The following GEMIN2 variants were observed in gnomAD, a reference collection of about 807,000 sequenced individuals.
The protein encoded by GEMIN2 is gem nuclear organelle associated protein 2.
Under a neutral mutation model 45.8 loss-of-function variants are expected in GEMIN2, and 37 were observed. The observed-to-expected ratio is 0.81, with a 90% CI of 0.62 to 1.06. The LOEUF (loss-of-function observed/expected upper bound fraction) is 1.06, where lower values mean the gene tolerates loss of function less well. Ranked by LOEUF, GEMIN2 falls within the 50% of genes least tolerant of loss-of-function variation. The pLI is 0.00. For synonymous variants in GEMIN2, 101 were observed against 111.5 expected, an observed-to-expected ratio of 0.91 and a Z score of 0.60; for missense variants, 335 against 321.8, an observed-to-expected ratio of 1.04 and a Z score of -0.31.
chr14:39,125,026 G>GAATGA lies in GEMIN2; in HGVS notation c.523_527dup (p.Asn176LysfsTer2). 6.9e-7 allele frequency: 1 copy of GAATGA among 1,452,244 alleles called. No individual in the cohort carries two copies. The highest frequency in any genetic ancestry group is 9.7e-7 in the Non-Finnish European group (1 of 1,035,470). The allele number at this position is 1,452,244 out of a possible 1,614,324, so 90.0% of individuals were successfully genotyped here. The stretch of plus-strand genomic sequence containing the variant: ...CCTCCCTTGCTTAGTATTGTTAGCA[G>GAATGA]AATGAATCAGGTAAAATTAATAATA... On this transcript the variant is annotated frameshift_variant, in exon 6 of 10. Coordinates refer to ENST00000308317, the MANE Select transcript of GEMIN2 (RefSeq NM_003616.3). LOFTEE classifies it high-confidence loss of function.
Position 39,136,544 on chromosome 14 carries a change from A to T in GEMIN2, c.*65A>T. The T allele has an allele frequency of 2.3e-6, 3 of 1,284,756 alleles. No homozygotes were observed. Among genetic ancestry groups the T allele is most frequent in the Non-Finnish European group, 3.4e-6 (3 of 886,344 alleles). The allele number at this position is 1,284,756 out of a possible 1,614,324, so 79.6% of individuals were successfully genotyped here. ...AGGCAGCCTAACTCTGAGGAAAACA[A>T]TGCCAATTCAAGTACAGATTTCAAC... On this transcript the variant is annotated 3_prime_UTR_variant, in exon 10 of 10. Coordinates refer to ENST00000308317, the MANE Select transcript of GEMIN2 (RefSeq NM_003616.3).
chr14:39,117,656 A>G (rs1057261983), intron 2 of GEMIN2, among the ~76,000 whole-genome samples: 1 of 152,132 alleles, frequency 6.6e-6, no homozygotes, highest in African/African-American at 2.4e-5. Flanking sequence ...TATTTGTGGT[A>G]TATCTCTCTT....
At chr14:39,126,306 G>C (rs569291383) in intron 6 of GEMIN2, among the ~76,000 whole-genome samples, 1 of 150,914 alleles carries the variant, frequency 6.6e-6, no homozygotes, top group East Asian at 2.0e-4. Flanking sequence ...CAGCCTCCTG[G>C]TAGCTGGGAC....
intron 4 of GEMIN2, among the ~76,000 whole-genome samples, chr14:39,120,163 C>A (rs541087357): frequency 6.6e-6 from 1 of 152,248 alleles, no homozygotes; most frequent in African/African-American, 2.4e-5. Context: ...TCCATCAGAA[C>A]AGTGGAATAT....
chr14:39,123,685 G>GTTATATAT (rs1566532769), intron 5 of GEMIN2, among the ~76,000 whole-genome samples: 169 of 59,596 alleles, frequency 2.8e-3, no homozygotes, highest in African/African-American at 9.8e-3. Context: ...TTCAAAAATA[G>GTTATATAT]CTATATATAT....
chr14:39,128,281 C>T lies in GEMIN2; in HGVS notation c.533C>T (p.Ala178Val). The change falls in exon 7 of 10, where the codon GCA becomes GTA. Residue 178 changes from alanine to valine, a missense_variant and splice_region_variant. Physicochemically the swap from Ala to Val is moderately conservative, Grantham distance 64. Coordinates refer to ENST00000308317, the MANE Select transcript of GEMIN2 (RefSeq NM_003616.3). ...TCCACCCCCTCTTTTTTTTTTTAGG[C>T]AACAGTAACTAGTGTCTTGGAATAT... ...LLSIVSRMNQ[A>V]TVTSVLEYLS... 2 of 1,518,364 alleles carry T rather than the reference C, an allele frequency of 1.3e-6. No individual in the cohort carries two copies. The highest frequency in any genetic ancestry group is 1.8e-6 in the Non-Finnish European group (2 of 1,111,914). The allele number at this position is 1,518,364 out of a possible 1,614,324, so 94.1% of individuals were successfully genotyped here.
At chr14:39,127,262 G>A (rs2052655383) in intron 6 of GEMIN2, among the ~76,000 whole-genome samples, 1 of 134,260 alleles carries the variant, frequency 7.4e-6, no homozygotes, top group Non-Finnish European at 1.6e-5. Context: ...GCTAATTTTT[G>A]TATTTTTAGT....
Position 39,132,177 on chromosome 14 carries a change from A to G in GEMIN2, c.711+109A>G. ...CACATGGAATATTTTATTGGTGGCA[A>G]TTAGATTTGTAAAGCCCAAAATAAT... On this transcript the variant is annotated intron_variant, in intron 8 of 9. Transcript: ENST00000308317. 7 of 680,698 alleles carry G rather than the reference A, an allele frequency of 1.0e-5. No individual in the cohort carries two copies. The Admixed American group carries it at 1.7e-4, about 16-fold the overall frequency. The allele number at this position is 680,698 out of a possible 1,614,324, so 42.2% of individuals were successfully genotyped here.
intron 6 of GEMIN2, among the ~76,000 whole-genome samples, chr14:39,126,643 A>G (rs1248774253): frequency 6.6e-6 from 1 of 151,774 alleles, no homozygotes; most frequent in Non-Finnish European, 1.5e-5. Flanking sequence ...ATTATTTTCA[A>G]GAGTTTGATA....
intron 7 of GEMIN2, among the ~76,000 whole-genome samples, chr14:39,130,663 G>A (rs2052704445): frequency 6.6e-6 from 1 of 152,150 alleles, no homozygotes; most frequent in Admixed American, 6.5e-5. Context: ...GGAGGCCGAG[G>A]TGGGCGGATC....
intron 5 of GEMIN2, among the ~76,000 whole-genome samples, chr14:39,124,150 G>A (rs2052612029): frequency 6.6e-6 from 1 of 152,032 alleles, no homozygotes; most frequent in Non-Finnish European, 1.5e-5. Flanking sequence ...AAGGAAGTAA[G>A]CGTTTAATGT....
chr14:39,117,716 T>C (rs987547994), intron 2 of GEMIN2, among the ~76,000 whole-genome samples: 1 of 152,210 alleles, frequency 6.6e-6, no homozygotes, highest in Non-Finnish European at 1.5e-5. Context: ...TAGATCATAT[T>C]CTCCAGGCTC....
chr14:39,115,394 TG>T (rs2052489747), intron 2 of GEMIN2, among the ~76,000 whole-genome samples: 1 of 151,934 alleles, frequency 6.6e-6, no homozygotes. Flanking sequence ...TAGTGTGCTT[TG>T]CATGTTCTGA....
intron 6 of GEMIN2, among the ~76,000 whole-genome samples, chr14:39,125,682 G>T (rs948799416): frequency 3.3e-5 from 5 of 152,058 alleles, no homozygotes; most frequent in African/African-American, 1.2e-4. Context: ...CTGTACTAAG[G>T]TTAGATTGCT....
chr14:39,117,849 C>G, intron 2 of GEMIN2, 150 bp from the exon 3 acceptor site: 1 of 466,114 alleles, frequency 2.1e-6, no homozygotes, highest in Non-Finnish European at 3.8e-6. Flanking sequence ...GAAATGCCTA[C>G]TTTTTTACAT....
chr14:39,131,808 G>A, intron 7 of GEMIN2, 150 bp from the exon 8 acceptor site: 1 of 543,134 alleles, frequency 1.8e-6, no homozygotes, highest in East Asian at 3.0e-5. Flanking sequence ...CTCTCCAAAT[G>A]AGGCTTTCTT....
chr14:39,133,511 C>G, intron 8 of GEMIN2, 150 bp from the exon 9 acceptor site: 1 of 403,374 alleles, frequency 2.5e-6, no homozygotes, highest in African/African-American at 2.1e-5. Context: ...CTACAGTTCT[C>G]TGCTTTTTCT....
intron 6 of GEMIN2, among the ~76,000 whole-genome samples, chr14:39,126,914 C>A (rs528662870): frequency 1.3e-5 from 2 of 151,852 alleles, no homozygotes; most frequent in Non-Finnish European, 2.9e-5. Flanking sequence ...TACAGGCGCA[C>A]ACCATCACAC....
At chr14:39,121,328 T>C (rs1328076006) in intron 4 of GEMIN2, among the ~76,000 whole-genome samples, 1 of 152,106 alleles carries the variant, frequency 6.6e-6, no homozygotes, top group Non-Finnish European at 1.5e-5. Flanking sequence ...GGCCAGGAGT[T>C]TGAGACCAGC....
Sources: allele counts gnomAD v4.1 joint callset (sites outside exome capture counted in the v4.1 genomes callset), GRCh38; gene constraint gnomAD v4.1.1; transcripts MANE v1.5; gene names NCBI Gene and HGNC (gene_info 2026-07-23, HGNC 2026-07-21).